The following SESN2 variants were observed in gnomAD, a reference collection of about 807,000 sequenced individuals.
SESN2 encodes sestrin 2, also known as sestrin-2.
Under a neutral mutation model 56.0 loss-of-function variants are expected in SESN2, and 42 were observed. The ratio of observed to expected loss-of-function variants is 0.75; its 90% CI spans 0.59 to 0.97. The LOEUF is 0.97. SESN2 is among the 50% of genes least tolerant of loss of function. SESN2 has a pLI of 0.00. For synonymous variants in SESN2, 264 were observed against 267.1 expected (o/e 0.99, Z 0.11); for missense variants, 507 against 649.4 (o/e 0.78, Z 2.38).
Position 28,269,167 on chromosome 1 carries a change from A to T in SESN2, c.91-16A>T. ...CTCCCTTCTACTACGGACTAACCTC[A>T]TATGTTTCCTCCCAGGAGCAGAGGG... is the stretch of plus-strand genomic sequence containing the variant. On this transcript the variant is annotated splice_polypyrimidine_tract_variant and intron_variant, in intron 1 of 9. Coordinates refer to ENST00000253063, the MANE Select transcript of SESN2 (RefSeq NM_031459.5). 1.2e-6 allele frequency: 2 copies of T among 1,604,652 alleles called. No individual in the cohort carries two copies. Among genetic ancestry groups the T allele is most frequent in the Non-Finnish European group, 1.7e-6 (2 of 1,172,578 alleles).
intron 1 of SESN2, among the ~76,000 whole-genome samples, chr1:28,260,311 G>A (rs1647329267): frequency 1.3e-5 from 2 of 152,068 alleles, no homozygotes; most frequent in Non-Finnish European, 2.9e-5. Flanking sequence ...AATCCCGGCC[G>A]GAGCGGCCAG....
At chr1:28,263,266 T>C (rs1194683297) in intron 1 of SESN2, among the ~76,000 whole-genome samples, 1 of 152,176 alleles carries the variant, frequency 6.6e-6, no homozygotes, top group East Asian at 1.9e-4. Flanking sequence ...GAAGGGATTA[T>C]AAGAACTGTT....
At chr1:28,272,547 G>A (rs1357422030) in intron 4 of SESN2, 34 bp from the exon 5 acceptor site, 1 of 1,611,230 alleles carries the variant, frequency 6.2e-7, no homozygotes, top group Non-Finnish European at 8.5e-7. Context: ...GGCAGGCACT[G>A]AGCAGCTCTG....
At chr1:28,267,312 G>A (rs1647592165) in intron 1 of SESN2, among the ~76,000 whole-genome samples, 1 of 152,190 alleles carries the variant, frequency 6.6e-6, no homozygotes, top group African/African-American at 2.4e-5. Context: ...TTTGAAGGTA[G>A]CTGGGCTACT....
chr1:28,263,714 A>G (rs1458888960), intron 1 of SESN2, among the ~76,000 whole-genome samples: 1 of 152,106 alleles, frequency 6.6e-6, no homozygotes. Flanking sequence ...GCTGCTTCCC[A>G]AAGCTGTTAT....
At chr1:28,275,099 T>A in intron 8 of SESN2, 84 bp downstream of exon 8, 2 of 1,024,860 alleles carry the variant, frequency 2.0e-6, no homozygotes, top group South Asian at 4.6e-5. Flanking sequence ...TTTCTTTTTG[T>A]TTTTTTCTTT....
chr1:28,259,919 C>T lies in SESN2; in HGVS notation c.72C>T (p.Gly24=), dbSNP rs759426976. 24 of 1,480,252 alleles carry T rather than the reference C, an allele frequency of 1.6e-5. No individual in the cohort carries two copies. Among genetic ancestry groups the T allele is most frequent in the Admixed American group, 7.1e-5 (3 of 42,100 alleles). 91.7% of individuals were successfully genotyped at this position (1,480,252 alleles called of 1,614,324 possible). A position where few individuals can be genotyped will look rare whatever the true frequency, so the allele number is the denominator to read the frequency against. The part of the protein sequence containing the change: ...DYLRFAPGGV[G]DSGPGEEQRE... ...TGCGGTTCGCCCCGGGCGGCGTCGG[C>T]GACTCGGGCCCCGGAGAGGTAAGCG... Residue 24 remains glycine (G), a synonymous_variant, in exon 1 of 10, where the codon GGC becomes GGT. Coordinates refer to ENST00000253063, the MANE Select transcript of SESN2 (RefSeq NM_031459.5).
At chr1:28,264,515 A>T (rs759546858) in intron 1 of SESN2, among the ~76,000 whole-genome samples, 1 of 151,872 alleles carries the variant, frequency 6.6e-6, no homozygotes, top group Non-Finnish European at 1.5e-5. Flanking sequence ...CCTCTGTCCC[A>T]CACTAGCTGT....
chr1:28,272,628 T>G lies in SESN2; in HGVS notation c.585T>G (p.Ile195Met). The G allele has an allele frequency of 2.5e-6, 4 of 1,614,124 alleles. No homozygotes were observed. Among genetic ancestry groups the G allele is most frequent in the Non-Finnish European group, 3.4e-6 (4 of 1,180,020 alleles). ...GEHTWSLAEL[I>M]QALVLLTHCH... ...ACACTTGGTCCCTGGCCGAGCTCAT[T>G]CAGGCTCTGGTCCTGCTCACCCACT... Residue 195 changes from isoleucine (I) to methionine (M), a missense_variant, in exon 5 of 10, where the codon ATT becomes ATG. Coordinates refer to ENST00000253063, the MANE Select transcript of SESN2 (RefSeq NM_031459.5).
chr1:28,269,539 TAAG>T (rs913459676), intron 2 of SESN2, among the ~76,000 whole-genome samples: 1 of 152,248 alleles, frequency 6.6e-6, no homozygotes, highest in East Asian at 1.9e-4. Flanking sequence ...TGCTTTCCCT[TAAG>T]AAGATAGAAC....
rs970300450 is a variant in SESN2, at chr1:28,260,400, G to T, written c.90+463G>T. Among the ~76,000 whole-genome samples the T allele has an allele frequency of 2.0e-5, 3 of 152,070 alleles. No homozygotes were observed. In the South Asian group the frequency reaches 6.2e-4, roughly 32 times the overall value. On this transcript the variant is annotated intron_variant, in intron 1 of 9. Coordinates refer to ENST00000253063, the MANE Select transcript of SESN2 (RefSeq NM_031459.5). ...CGGCGGGCAGAGGACCCTTCCTGGGGTGCCTCCCGGCTCCTGTCCCCCAGC... is the reference window on the plus strand; with the variant it reads ...CGGCGGGCAGAGGACCCTTCCTGGGTTGCCTCCCGGCTCCTGTCCCCCAGC...
intron 7 of SESN2, 117 bp from the exon 8 acceptor site, chr1:28,274,708 C>T (rs533126610): frequency 6.0e-5 from 48 of 804,086 alleles, no homozygotes; most frequent in Admixed American, 3.6e-4. Flanking sequence ...GCAAGCAGCA[C>T]GTTAGGTTTA....
chr1:28,279,602 G>A (rs540083111), intron 9 of SESN2, among the ~76,000 whole-genome samples: 61 of 151,832 alleles, frequency 4.0e-4, no homozygotes, highest in Non-Finnish European at 7.9e-4. Context: ...CTGGAGTGCA[G>A]TGGCACGATC....
intron 1 of SESN2, among the ~76,000 whole-genome samples, chr1:28,263,528 G>C (rs1647455303): frequency 6.6e-6 from 1 of 152,202 alleles, no homozygotes; most frequent in Non-Finnish European, 1.5e-5. Context: ...TTCCTTCCCA[G>C]CTGGCAGAGT....
intron 8 of SESN2, among the ~76,000 whole-genome samples, chr1:28,275,478 G>T (rs571634797): frequency 1.3e-5 from 2 of 152,308 alleles, no homozygotes; most frequent in African/African-American, 4.8e-5. Flanking sequence ...CAATAGGCTG[G>T]GCGCAGTGGC....
intron 2 of SESN2, among the ~76,000 whole-genome samples, chr1:28,269,804 A>C (rs1209857603): frequency 6.6e-6 from 1 of 152,156 alleles, no homozygotes; most frequent in Non-Finnish European, 1.5e-5. Context: ...TTTTTCACTT[A>C]ATACAAGAAA....
At chr1:28,260,006 G>A (rs1015401354) in intron 1 of SESN2, 69 bp downstream of exon 1, 62 of 1,230,116 alleles carry the variant, frequency 5.0e-5, no homozygotes, top group East Asian at 2.1e-4. Context: ...CAGGCTGTCC[G>A]GAGCTGAGTC....
chr1:28,273,257 T>G, intron 5 of SESN2, 101 bp from the exon 6 acceptor site: 2 of 1,192,636 alleles, frequency 1.7e-6, no homozygotes, highest in Non-Finnish European at 1.1e-6. Flanking sequence ...CCCTGGGCCT[T>G]TGTGAGCATT....
chr1:28,265,017 C>A (rs552855410), intron 1 of SESN2, among the ~76,000 whole-genome samples: 1 of 152,222 alleles, frequency 6.6e-6, no homozygotes, highest in Non-Finnish European at 1.5e-5. Flanking sequence ...CCTGCTACTG[C>A]CTTCCTGCCT....
Sources: gnomAD v4.1 joint callset for allele counts (sites outside exome capture counted in the v4.1 genomes callset) on GRCh38, gnomAD v4.1.1 for gene constraint, MANE v1.5 for transcripts, NCBI Gene and HGNC (gene_info 2026-07-23, HGNC 2026-07-21) for gene names.